The following CAST variants were observed in gnomAD, a reference collection of about 807,000 sequenced individuals.
CAST encodes calpastatin.
Under a neutral mutation model 119.6 loss-of-function variants are expected in CAST, and 76 were observed. That is an observed-to-expected ratio of 0.64 (90% CI 0.53 to 0.77). CAST has a LOEUF of 0.77. Among genes scored for constraint, CAST ranks in the 30% least tolerant of loss-of-function variants. The probability of loss-of-function intolerance (pLI) is 0.00; values close to 1 mark genes in which losing one functional copy is unlikely to be tolerated. For missense variants in CAST, 953 were observed against 946.5 expected (o/e 1.01, Z -0.09); for synonymous variants, 319 against 331.6 (o/e 0.96, Z 0.41).
intron 1 of CAST, among the ~76,000 whole-genome samples, chr5:96,538,674 A>T (rs1267643089): frequency 1.0e-5 from 1 of 95,334 alleles, no homozygotes; most frequent in African/African-American, 3.2e-5. Context: ...GTTTTTTTAA[A>T]TTAAAAAAAA....
chr5:95,979,485 G>C, the CAST span, among the ~76,000 whole-genome samples: 1 of 152,110 alleles, frequency 6.6e-6, no homozygotes, highest in Non-Finnish European at 1.5e-5. Context: ...ACAAGAGTAT[G>C]AACAATAAAT....
chr5:96,431,758 G>A, the CAST span, among the ~76,000 whole-genome samples: 1 of 152,102 alleles, frequency 6.6e-6, no homozygotes, highest in South Asian at 2.1e-4. Context: ...CAACGCCCCC[G>A]CCGATTACTC....
chr5:95,965,283 T>G, the CAST span: 2 of 152,244 alleles, frequency 1.3e-5, no homozygotes, highest in Non-Finnish European at 2.9e-5. Flanking sequence ...GTAAATCTCC[T>G]AATATTTATT....
intron 22 of CAST, among the ~76,000 whole-genome samples, chr5:96,756,276 G>A (rs1469440384): frequency 6.6e-6 from 1 of 152,128 alleles, no homozygotes; most frequent in East Asian, 1.9e-4. Flanking sequence ...GAGCAAAAGT[G>A]CTCCCAGAGT....
chr5:95,966,512 C>T, the CAST span, among the ~76,000 whole-genome samples: 8 of 152,088 alleles, frequency 5.3e-5, no homozygotes, highest in Non-Finnish European at 1.2e-4. Flanking sequence ...CTGGGGACAT[C>T]TACCTGTACA....
At chr5:96,149,080 T>G in the CAST span, among the ~76,000 whole-genome samples, 1 of 152,268 alleles carries the variant, frequency 6.6e-6, no homozygotes, top group Non-Finnish European at 1.5e-5. Context: ...GTGGAAATTA[T>G]TACAAGAGAC....
the CAST span, among the ~76,000 whole-genome samples, chr5:96,127,085 T>C: frequency 6.6e-6 from 1 of 152,228 alleles, no homozygotes; most frequent in African/African-American, 2.4e-5. Context: ...CTTTAAAATA[T>C]GTTGGAATAA....
chr5:96,629,810 T>C (rs183967803), intron 1 of CAST, among the ~76,000 whole-genome samples: 53 of 152,378 alleles, frequency 3.5e-4, no homozygotes, highest in African/African-American at 1.1e-3. Context: ...CTAAACTTGA[T>C]TAATCAGGCT....
intron 1 of CAST, among the ~76,000 whole-genome samples, chr5:96,531,170 A>G (rs1311353916): frequency 6.6e-6 from 1 of 152,224 alleles, no homozygotes; most frequent in African/African-American, 2.4e-5. Context: ...CTTCATGTCA[A>G]TGATTTCTAG....
intron 16 of CAST, chr5:96,743,853 G>A: frequency 3.8e-6 from 3 of 780,028 alleles, no homozygotes; most frequent in African/African-American, 3.6e-5. Flanking sequence ...CGGGGTGTTG[G>A]CAGAATCCTG....
At chr5:96,589,096 A>G (rs1746915903) in intron 1 of CAST, among the ~76,000 whole-genome samples, 1 of 138,182 alleles carries the variant, frequency 7.2e-6, no homozygotes, top group African/African-American at 2.9e-5. Context: ...TTCCCAAAAC[A>G]GTTTCATTCA....
At chr5:96,114,132 T>C in the CAST span, among the ~76,000 whole-genome samples, 1 of 152,152 alleles carries the variant, frequency 6.6e-6, no homozygotes, top group African/African-American at 2.4e-5. Flanking sequence ...AGGCAGTAAG[T>C]AAATAGAAGG....
chr5:96,525,183 G>A (rs2150175983), upstream of CAST: 1 of 152,306 alleles, frequency 6.6e-6, no homozygotes, highest in African/African-American at 2.4e-5. Flanking sequence ...GATCATAATG[G>A]CTGCTGCAAT....
chr5:96,305,108 T>C, the CAST span, among the ~76,000 whole-genome samples: 1 of 152,210 alleles, frequency 6.6e-6, no homozygotes, highest in Non-Finnish European at 1.5e-5. Flanking sequence ...CATTTGTTTA[T>C]GTCCTCTCTT....
At chr5:96,462,713 CT>C in the CAST span, among the ~76,000 whole-genome samples, 2 of 152,114 alleles carry the variant, frequency 1.3e-5, no homozygotes, top group Non-Finnish European at 2.9e-5. Flanking sequence ...TGTGTCCCCA[CT>C]AAAATCTCAT....
At chr5:96,388,179 T>C in the CAST span, among the ~76,000 whole-genome samples, 1 of 152,330 alleles carries the variant, frequency 6.6e-6, no homozygotes, top group African/African-American at 2.4e-5. Flanking sequence ...CCCTGGCACA[T>C]GCCATGAGAA....
chr5:96,437,191 G>A, the CAST span, among the ~76,000 whole-genome samples: 5 of 152,208 alleles, frequency 3.3e-5, no homozygotes, highest in South Asian at 8.3e-4. Flanking sequence ...CAAAGGCTTT[G>A]AGGTGGATGA....
the CAST span, among the ~76,000 whole-genome samples, chr5:96,508,294 G>A: frequency 2.6e-5 from 4 of 152,242 alleles, no homozygotes; most frequent in Admixed American, 6.5e-5. Flanking sequence ...CTCAGGCAAC[G>A]TCCTTGTTTC....
chr5:96,523,905 C>T (rs1008970163), upstream of CAST, among the ~76,000 whole-genome samples: 3 of 152,186 alleles, frequency 2.0e-5, no homozygotes, highest in African/African-American at 7.2e-5. Flanking sequence ...ATGAATGCCA[C>T]AATTAGCTGC....
Sources: gnomAD v4.1 joint callset for allele counts (sites outside exome capture counted in the v4.1 genomes callset) on GRCh38, gnomAD v4.1.1 for gene constraint, MANE v1.5 for transcripts, NCBI Gene and HGNC (gene_info 2026-07-23, HGNC 2026-07-21) for gene names.